Variants in CLSTN2 observed in about 807,000 individuals in gnomAD.
CLSTN2 encodes calsyntenin-2.
In CLSTN2, 48 loss-of-function variants were observed where a neutral mutation model predicts 101.2. The ratio of observed to expected loss-of-function variants is 0.47; its 90% confidence interval spans 0.38 to 0.60. CLSTN2 has a LOEUF of 0.60. CLSTN2 is among the 20% of genes least tolerant of loss of function. The pLI is 0.00. For synonymous variants in CLSTN2, 481 were observed against 463.6 expected, an observed-to-expected ratio of 1.04 and a Z score of -0.48; for missense variants, 1,160 against 1,238.2, an observed-to-expected ratio of 0.94 and a Z score of 0.95.
Position 140,229,843 on chromosome 3 carries a change from C to T in CLSTN2, c.232+53770C>T, listed in dbSNP as rs887043791. 3.9e-5 allele frequency among the ~76,000 whole-genome samples: 6 copies of T among 152,128 alleles called. No homozygotes were observed. The East Asian group carries it at 9.7e-4, about 25-fold the overall frequency. Reference sequence around the variant, plus strand: ...TAAGTACTAACCATGAAGGTTCCTTCCTGCCCTAAGGAGATGTTGAGCTTT... The same window carrying T: ...TAAGTACTAACCATGAAGGTTCCTTTCTGCCCTAAGGAGATGTTGAGCTTT... On this transcript the variant is annotated intron_variant, in intron 2 of 16. Transcript: ENST00000458420.
At chr3:140,400,287 T>G (rs999007628) in intron 2 of CLSTN2, among the ~76,000 whole-genome samples, 4 of 152,198 alleles carry the variant, frequency 2.6e-5, no homozygotes, top group Non-Finnish European at 5.9e-5. Context: ...GAAAGCTATA[T>G]GCAAATGGGG....
chr3:140,418,750 T>A (rs941509105), intron 4 of CLSTN2, among the ~76,000 whole-genome samples: 1 of 152,040 alleles, frequency 6.6e-6, no homozygotes, highest in Non-Finnish European at 1.5e-5. Flanking sequence ...ACTCCCGACT[T>A]TGTTATCTGC....
chr3:140,129,619 C>T (rs140218351), intron 1 of CLSTN2, among the ~76,000 whole-genome samples: 1 of 152,304 alleles, frequency 6.6e-6, no homozygotes, highest in Non-Finnish European at 1.5e-5. Flanking sequence ...CTGTATCTTT[C>T]TTCTGTCTCT....
intron 1 of CLSTN2, among the ~76,000 whole-genome samples, chr3:140,159,127 A>G (rs1187470244): frequency 6.6e-6 from 1 of 152,230 alleles, no homozygotes; most frequent in East Asian, 1.9e-4. Context: ...TTGGTGAAGA[A>G]TTTTTGGCTA....
intron 1 of CLSTN2, among the ~76,000 whole-genome samples, chr3:139,960,267 A>C (rs1041111087): frequency 6.6e-6 from 1 of 152,218 alleles, no homozygotes; most frequent in Non-Finnish European, 1.5e-5. Context: ...CCAGCTCAGC[A>C]TACTATGGTG....
At chr3:140,451,368 G>A (rs1488658742) in intron 6 of CLSTN2, among the ~76,000 whole-genome samples, 1 of 152,226 alleles carries the variant, frequency 6.6e-6, no homozygotes, top group African/African-American at 2.4e-5. Flanking sequence ...TTGCCTTGCA[G>A]AAGGGCAGGT....
intron 1 of CLSTN2, among the ~76,000 whole-genome samples, chr3:139,938,803 G>T (rs551504936): frequency 6.6e-6 from 1 of 152,294 alleles, no homozygotes; most frequent in East Asian, 1.9e-4. Flanking sequence ...TAGGCATAGA[G>T]GTCATTTGGA....
At chr3:140,505,010 T>A (rs374330480) in intron 8 of CLSTN2, among the ~76,000 whole-genome samples, 17 of 152,298 alleles carry the variant, frequency 1.1e-4, no homozygotes, top group African/African-American at 4.1e-4. Flanking sequence ...GCAACTGTTC[T>A]TCAAATATTT....
chr3:140,220,064 C>G (rs891107322), intron 2 of CLSTN2, among the ~76,000 whole-genome samples: 1 of 152,216 alleles, frequency 6.6e-6, no homozygotes, highest in African/African-American at 2.4e-5. Flanking sequence ...TAGACAGGCT[C>G]TGGATGCTGT....
chr3:139,936,980 A>G (rs1405664007), intron 1 of CLSTN2, among the ~76,000 whole-genome samples: 1 of 152,174 alleles, frequency 6.6e-6, no homozygotes, highest in Admixed American at 6.5e-5. Flanking sequence ...GGCTGATATG[A>G]AGGGATCAAG....
Position 140,140,915 on chromosome 3 carries a change from A to G in CLSTN2, c.110-35036A>G, listed in dbSNP as rs190310086. 2.0e-5 allele frequency among the ~76,000 whole-genome samples: 3 copies of G among 152,326 alleles called. No individual in the cohort carries two copies. The East Asian group carries it at 5.8e-4, about 29-fold the overall frequency. On this transcript the variant is annotated intron_variant, in intron 1 of 16. Transcript: ENST00000458420. The stretch of plus-strand genomic sequence containing the variant: ...GACAAGCGACCCCTCCTTAACTTAC[A>G]TAAAATATTTTTTATGGCCTCCGTC...
intron 2 of CLSTN2, among the ~76,000 whole-genome samples, chr3:140,305,568 A>G (rs986243345): frequency 6.6e-6 from 1 of 152,194 alleles, no homozygotes; most frequent in African/African-American, 2.4e-5. Context: ...CTTTGGTACC[A>G]AGAAGAACCC....
At chr3:140,237,344 G>A (rs1167303407) in intron 2 of CLSTN2, among the ~76,000 whole-genome samples, 1 of 152,160 alleles carries the variant, frequency 6.6e-6, no homozygotes, top group East Asian at 1.9e-4. Context: ...ACTATCTGTA[G>A]CACTGTAAAA....
intron 1 of CLSTN2, among the ~76,000 whole-genome samples, chr3:140,129,070 C>A (rs549431171): frequency 2.9e-4 from 44 of 152,228 alleles, no homozygotes; most frequent in Non-Finnish European, 6.2e-4. Flanking sequence ...TAATCCTCAG[C>A]TCCTGGAAAC....
chr3:140,208,371 A>C (rs941846162), intron 2 of CLSTN2, among the ~76,000 whole-genome samples: 3 of 152,312 alleles, frequency 2.0e-5, no homozygotes, highest in Non-Finnish European at 4.4e-5. Flanking sequence ...TGTATTTAGG[A>C]GAATAGACTT....
At chr3:140,315,040 T>C (rs2087215400) in intron 2 of CLSTN2, among the ~76,000 whole-genome samples, 1 of 152,208 alleles carries the variant, frequency 6.6e-6, no homozygotes, top group African/African-American at 2.4e-5. Context: ...TTCCAGCCTA[T>C]GCCAAGGCAG....
At chr3:140,375,958 G>A (rs931125) in intron 2 of CLSTN2, among the ~76,000 whole-genome samples, 145,369 of 152,268 alleles carry the variant, frequency 0.95, 69,747 homozygotes, top group East Asian at 1. Flanking sequence ...GACTTATTAG[G>A]AGAATGCAGA....
At chr3:140,445,103 G>A (rs1933044403) in intron 5 of CLSTN2, among the ~76,000 whole-genome samples, 1 of 152,130 alleles carries the variant, frequency 6.6e-6, no homozygotes, top group Non-Finnish European at 1.5e-5. Flanking sequence ...GCCTCTTGAG[G>A]TCACCAAAGC....
intron 12 of CLSTN2, among the ~76,000 whole-genome samples, chr3:140,560,498 T>G (rs1046955023): frequency 6.6e-6 from 1 of 152,176 alleles, no homozygotes; most frequent in East Asian, 1.9e-4. Flanking sequence ...ACCACCACCA[T>G]TCTGACACTT....
Sources: allele counts gnomAD v4.1 joint callset (sites outside exome capture counted in the v4.1 genomes callset), GRCh38; gene constraint gnomAD v4.1.1; transcripts MANE v1.5; gene names NCBI Gene and HGNC (gene_info 2026-07-23, HGNC 2026-07-21).